PI4KA: variants seen among roughly 807,000 people sequenced by gnomAD.
PI4KA encodes phosphatidylinositol 4-kinase alpha.
A neutral mutation model predicts 271.4 loss-of-function variants in PI4KA; 122 were observed. The ratio of observed to expected loss-of-function variants is 0.45; its 90% confidence interval spans 0.39 to 0.52. The LOEUF is 0.52. Among genes scored for constraint, PI4KA ranks in the 20% least tolerant of loss-of-function variants. The pLI is 0.00. For synonymous variants in PI4KA, 1,041 were observed against 1,078.8 expected (o/e 0.96, Z 0.69); for missense variants, 1,969 against 2,769.1 (o/e 0.71, Z 6.48).
At chr22:20,751,859 C>A (rs1448620178) in intron 25 of PI4KA, 104 bp from the exon 26 acceptor site, 8 of 953,360 alleles carry the variant, frequency 8.4e-6, no homozygotes, top group Middle Eastern at 2.1e-4. Flanking sequence ...CTGCTTCAGG[C>A]CAGCTGAAGG....
At chr22:20,748,272 A>G (rs542821299) in intron 28 of PI4KA, among the ~76,000 whole-genome samples, 1 of 152,366 alleles carries the variant, frequency 6.6e-6, no homozygotes, top group East Asian at 1.9e-4. Flanking sequence ...AGGGCCATTT[A>G]TTCTTTCAGC....
chr22:20,739,152 T>C (rs955763729), intron 32 of PI4KA, among the ~76,000 whole-genome samples: 4 of 151,132 alleles, frequency 2.6e-5, no homozygotes, highest in Admixed American at 2.0e-4. Context: ...GAGACCATCC[T>C]GGCTAACACA....
chr22:20,754,035 C>G (rs549156335), intron 23 of PI4KA, among the ~76,000 whole-genome samples: 73 of 152,104 alleles, frequency 4.8e-4, no homozygotes, highest in African/African-American at 1.8e-3. Flanking sequence ...AACAGTATCT[C>G]TTATTACTGG....
chr22:20,789,505 T>A (rs1183164118), intron 19 of PI4KA, among the ~76,000 whole-genome samples: 1 of 152,150 alleles, frequency 6.6e-6, no homozygotes, highest in Non-Finnish European at 1.5e-5. Flanking sequence ...AATTTTTGTA[T>A]TTTTAGCAGA....
chr22:20,807,154 C>T (rs1935701790), intron 10 of PI4KA, among the ~76,000 whole-genome samples: 1 of 152,222 alleles, frequency 6.6e-6, no homozygotes. Context: ...AAGGAGCCAT[C>T]ATCGATGGTA....
intron 9 of PI4KA, 26 bp downstream of exon 9, chr22:20,810,941 T>A (rs377458585): frequency 6.4e-7 from 1 of 1,571,568 alleles, no homozygotes; most frequent in Non-Finnish European, 8.8e-7. Context: ...GCTGATCTCA[T>A]GGTAATGCCC....
chr22:20,745,520 G>T (rs974547317), intron 29 of PI4KA, among the ~76,000 whole-genome samples: 2 of 152,110 alleles, frequency 1.3e-5, no homozygotes, highest in African/African-American at 2.4e-5. Context: ...AGGACCAGGA[G>T]AAGAAAATAC....
intron 41 of PI4KA, 70 bp from the exon 42 acceptor site, chr22:20,726,611 T>C: frequency 7.2e-7 from 1 of 1,379,712 alleles, no homozygotes; most frequent in Non-Finnish European, 9.8e-7. Context: ...GCCCAGGCCC[T>C]GCCTCTGCTT....
intron 22 of PI4KA, among the ~76,000 whole-genome samples, chr22:20,763,420 A>G (rs1932205659): frequency 6.8e-6 from 1 of 147,414 alleles, no homozygotes; most frequent in Non-Finnish European, 1.5e-5. Context: ...GTGCCTAGCC[A>G]TTTTTGTGCA....
chr22:20,715,620 G>A (rs1925888534), intron 45 of PI4KA, among the ~76,000 whole-genome samples: 2 of 151,348 alleles, frequency 1.3e-5, no homozygotes, highest in South Asian at 4.2e-4. Context: ...AATTACAGGC[G>A]CCTGCCACCG....
intron 22 of PI4KA, among the ~76,000 whole-genome samples, chr22:20,764,354 C>T (rs1932300683): frequency 6.6e-6 from 1 of 152,202 alleles, no homozygotes. Flanking sequence ...ACTGTTAGGA[C>T]TGCTGTGGCC....
chr22:20,786,949 GC>G, intron 19 of PI4KA: 1 of 1,614,152 alleles, frequency 6.2e-7, no homozygotes. Flanking sequence ...TGGGGTTCAT[GC>G]CGCTGTCCAC....
At chr22:20,708,429 C>T (rs988936059) in intron 54 of PI4KA, among the ~76,000 whole-genome samples, 1 of 150,742 alleles carries the variant, frequency 6.6e-6, no homozygotes, top group Admixed American at 6.6e-5. Flanking sequence ...AGAGCCCCTT[C>T]TCGCCCTGCC....
At chr22:20,838,504 T>G in intron 2 of PI4KA, 111 bp downstream of exon 2, 1 of 699,668 alleles carries the variant, frequency 1.4e-6, no homozygotes, top group Admixed American at 2.3e-5. Context: ...TTGATTAGGT[T>G]CAAATGTATT....
intron 1 of PI4KA, among the ~76,000 whole-genome samples, chr22:20,854,890 G>A (rs776405593): frequency 6.6e-5 from 10 of 152,108 alleles, no homozygotes; most frequent in Non-Finnish European, 7.4e-5. Flanking sequence ...GGTGGCTCAC[G>A]CCTGCAATCC....
intron 18 of PI4KA, among the ~76,000 whole-genome samples, chr22:20,795,309 C>G (rs1475202243): frequency 6.6e-6 from 1 of 151,796 alleles, no homozygotes; most frequent in East Asian, 1.9e-4. Flanking sequence ...ACAAACACCC[C>G]CTTCCCCTTT....
intron 27 of PI4KA, among the ~76,000 whole-genome samples, chr22:20,750,615 TC>T (rs1930573976): frequency 6.6e-6 from 1 of 152,228 alleles, no homozygotes; most frequent in Non-Finnish European, 1.5e-5. Context: ...GCAACTTGTG[TC>T]CTGGGTCTGG....
Position 20,805,096 on chromosome 22 carries a change from T to A in PI4KA, c.1238A>T (p.Glu413Val), listed in dbSNP as rs1935567045. 1 of 1,613,594 alleles carries A rather than the reference T, an allele frequency of 6.2e-7. No homozygotes were observed. Residue 413 changes from glutamate (E) to valine (V), a missense_variant, in exon 11 of 55, where the codon GAG (glutamate) becomes GTG (valine). Around this residue, in one of 13 missense-constraint regions of PI4KA, gnomAD observed 540 missense variants for 555.5 expected, o/e 0.97. Transcript: ENST00000255882. Reference sequence around the variant, plus strand: ...TGCGTCATGTAGAATCTTCTGGAGCTCCCCCTGGCTCGTGTTGAACTGCTC... The same window carrying A: ...TGCGTCATGTAGAATCTTCTGGAGCACCCCCTGGCTCGTGTTGAACTGCTC... ...VLEQFNTSQG[E>V]LQKILHDADR...
chr22:20,809,815 T>C (rs1234712864), intron 9 of PI4KA, among the ~76,000 whole-genome samples: 3 of 152,124 alleles, frequency 2.0e-5, no homozygotes, highest in African/African-American at 7.2e-5. Flanking sequence ...CTCTGTTACT[T>C]AACCAAGAAC....
Sources: allele counts gnomAD v4.1 joint callset (sites outside exome capture counted in the v4.1 genomes callset), GRCh38; gene constraint gnomAD v4.1.1; regional missense constraint gnomAD v4.1.1; transcripts MANE v1.5; gene names NCBI Gene and HGNC (gene_info 2026-07-23, HGNC 2026-07-21).